CC2D2A: variants seen among roughly 807,000 people sequenced by gnomAD.
CC2D2A encodes the protein coiled-coil and C2 domain-containing protein 2A.
Under a neutral mutation model 212.9 loss-of-function variants are expected in CC2D2A, and 155 were observed. The observed-to-expected ratio is 0.73, with a 90% CI of 0.64 to 0.83. CC2D2A has a LOEUF of 0.83. Ranked by LOEUF, CC2D2A falls within the 40% of genes least tolerant of loss-of-function variation. The probability of loss-of-function intolerance (pLI) is 0.00; values close to 1 mark genes in which losing one functional copy is unlikely to be tolerated. For missense variants in CC2D2A, 1,856 were observed against 1,956.2 expected (o/e 0.95, Z 0.97); for synonymous variants, 667 against 686.5 (o/e 0.97, Z 0.44).
chr4:15,502,574 G>C (rs1716022388), intron 5 of CC2D2A, 57 bp downstream of exon 5: 1 of 1,445,124 alleles, frequency 6.9e-7, no homozygotes, highest in African/African-American at 1.4e-5. Flanking sequence ...TCCAGGGCTT[G>C]TCTAGCTTAC....
chr4:15,542,231 G>A (rs1718492709), intron 17 of CC2D2A, among the ~76,000 whole-genome samples: 1 of 152,116 alleles, frequency 6.6e-6, no homozygotes, highest in African/African-American at 2.4e-5. Flanking sequence ...TCAATATGTG[G>A]AGGATGCTAT....
intron 23 of CC2D2A, 30 bp from the exon 24 acceptor site, chr4:15,563,325 A>G (rs1432494504): frequency 1.9e-6 from 3 of 1,555,038 alleles, no homozygotes; most frequent in Non-Finnish European, 2.6e-6. Flanking sequence ...TCTTTTTCTT[A>G]GAGTCCTGAT....
At chr4:15,486,338 G>A (rs1019183184) in intron 4 of CC2D2A, among the ~76,000 whole-genome samples, 1 of 151,958 alleles carries the variant, frequency 6.6e-6, no homozygotes, top group East Asian at 1.9e-4. Flanking sequence ...CTCATTACTT[G>A]TTTTTTGTCT....
At chr4:15,504,167 T>C (rs529795530) in intron 6 of CC2D2A, among the ~76,000 whole-genome samples, 100 of 152,312 alleles carry the variant, frequency 6.6e-4, no homozygotes, top group Non-Finnish European at 1.2e-3. Flanking sequence ...ATGTTACCTA[T>C]ATTCACCCCA....
intron 14 of CC2D2A, among the ~76,000 whole-genome samples, 195 bp from the exon 15 acceptor site, chr4:15,536,725 T>C (rs534889351): frequency 6.6e-6 from 1 of 152,292 alleles, no homozygotes; most frequent in East Asian, 1.9e-4. Context: ...TTACTTAACT[T>C]CTATGTGCCT....
At chr4:15,520,276 T>G (rs1717130182) in intron 11 of CC2D2A, among the ~76,000 whole-genome samples, 1 of 152,200 alleles carries the variant, frequency 6.6e-6, no homozygotes, top group Non-Finnish European at 1.5e-5. Context: ...GATGGCTACT[T>G]TGTACAGAAA....
At position 15,567,455 on chromosome 4, in the gene CC2D2A, C is replaced by A; in HGVS notation, c.3261C>A (p.Thr1087=). 3.7e-6 allele frequency: 6 copies of A among 1,613,588 alleles called. No homozygotes were observed. The highest frequency in any genetic ancestry group is 5.1e-6 in the Non-Finnish European group (6 of 1,179,706). The change falls in exon 25 of 37, where the codon ACC becomes ACA. Residue 1087 remains threonine (T), a synonymous_variant. Coordinates refer to ENST00000424120, the MANE Select transcript of CC2D2A (RefSeq NM_001378615.1). ...CTTCCCCAAGCACGTACAGCCCAACCCACAATGCTGACTACCCCCTCGGCC... is the reference window on the plus strand; with the variant it reads ...CTTCCCCAAGCACGTACAGCCCAACACACAATGCTGACTACCCCCTCGGCC... ...HAASPSTYSP[T]HNADYPLGQV...
rs556438578 is a variant in CC2D2A at position 15,596,705 on chromosome 4, G to A, written c.4437+498G>A. Reference sequence around the variant, plus strand: ...TGTAATGAAATGTATTTTATACTCCGGATCTACCTTTCAGAAAAAGCTTTG... The same window carrying A: ...TGTAATGAAATGTATTTTATACTCCAGATCTACCTTTCAGAAAAAGCTTTG... On this transcript the variant is annotated intron_variant, in intron 34 of 36. Transcript: ENST00000424120. 9.2e-5 allele frequency among the ~76,000 whole-genome samples: 14 copies of A among 152,164 alleles called. No homozygotes were observed. In the South Asian group the frequency reaches 1.5e-3, roughly 16 times the overall value.
chr4:15,502,671 C>A, intron 5 of CC2D2A, 151 bp from the exon 6 acceptor site: 2 of 972,948 alleles, frequency 2.1e-6, no homozygotes, highest in Non-Finnish European at 3.1e-6. Context: ...TGCATTGGCA[C>A]AGATGAAAAT....
chr4:15,470,687 CTCTATATATATATATATATATATA>C (rs1318487359), intron 1 of CC2D2A, among the ~76,000 whole-genome samples: 651 of 32,350 alleles, frequency 0.02, 1 homozygote, highest in Non-Finnish European at 0.027. Context: ...CTCTCTCTCT[CTCTATATATATATATATATATATA>C]TATATATATA....
At chr4:15,479,289 C>G in intron 3 of CC2D2A, 2 of 1,537,186 alleles carry the variant, frequency 1.3e-6, no homozygotes, top group Non-Finnish European at 1.7e-6. Context: ...AGTTCCCCTC[C>G]TAGGCTGGGA....
chr4:15,484,050 C>G (rs750902449), intron 4 of CC2D2A, among the ~76,000 whole-genome samples: 3 of 152,074 alleles, frequency 2.0e-5, no homozygotes, highest in Non-Finnish European at 4.4e-5. Flanking sequence ...AGTTTATACT[C>G]CAGTTGTGGG....
intron 29 of CC2D2A, among the ~76,000 whole-genome samples, chr4:15,575,933 C>A (rs757481468): frequency 5.9e-5 from 9 of 152,214 alleles, no homozygotes; most frequent in Non-Finnish European, 1.3e-4. Flanking sequence ...TCTATCCTGG[C>A]AGAAAGGATG....
chr4:15,567,246 C>T lies in CC2D2A; in HGVS notation c.3183-131C>T, dbSNP rs915304775. On this transcript the variant is annotated intron_variant, in intron 24 of 36. Transcript: ENST00000424120. The stretch of plus-strand genomic sequence containing the variant: ...TGCAGTGAGCTGAGATTGCACCAGC[C>T]GAGATCATGCCACTGCACTTCAGCT... 9 of 676,848 alleles carry T rather than the reference C, an allele frequency of 1.3e-5. No homozygotes were observed. The East Asian group carries it at 1.8e-4, about 14-fold the overall frequency. The allele number at this position is 676,848 out of a possible 1,614,324, so 41.9% of individuals were successfully genotyped here.
chr4:15,491,710 C>T (rs1314698804), intron 4 of CC2D2A, among the ~76,000 whole-genome samples: 1 of 152,184 alleles, frequency 6.6e-6, no homozygotes, highest in Admixed American at 6.5e-5. Flanking sequence ...CAGCTATTTA[C>T]ATTTTCTACT....
In CC2D2A at chr4:15,537,057, A is replaced by T; in HGVS notation, c.1745A>T (p.Lys582Met). The change falls in exon 15 of 37, where the codon AAG becomes ATG. Residue 582 changes from lysine to methionine, a missense_variant. By Grantham distance (95) the Lys-to-Met change is moderately conservative (BLOSUM62 -1). Transcript: ENST00000424120. ...EEYRTSLQQW[K>M]AWRKVQRAKK... is the part of the protein sequence containing the mutation. ...TACAGAACGTCGTTACAACAGTGGA[A>T]GGCCTGGAGGAAAGTGCAAGTGTGT... The T allele has an allele frequency of 6.2e-7, 1 of 1,613,562 alleles. No homozygotes were observed. The highest frequency in any genetic ancestry group is 8.5e-7 in the Non-Finnish European group (1 of 1,179,568).
At chr4:15,514,956 T>A in intron 9 of CC2D2A, 87 bp downstream of exon 9, 17 of 1,094,824 alleles carry the variant, frequency 1.6e-5, no homozygotes, top group Non-Finnish European at 2.1e-5. Flanking sequence ...GGATGCCTCA[T>A]CTCCAGAACT....
intron 2 of CC2D2A, 57 bp from the exon 3 acceptor site, chr4:15,478,665 TA>T: frequency 5.2e-6 from 7 of 1,352,100 alleles, no homozygotes; most frequent in Non-Finnish European, 6.1e-6. Flanking sequence ...TTTTAATACC[TA>T]AAAGTCATAC....
chr4:15,478,927 T>C, intron 3 of CC2D2A, 121 bp downstream of exon 3: 1 of 827,148 alleles, frequency 1.2e-6, no homozygotes, highest in South Asian at 1.7e-5. Flanking sequence ...ACTTTTGGCC[T>C]GCTCTGGGGG....
Sources: gnomAD v4.1 joint callset for allele counts (sites outside exome capture counted in the v4.1 genomes callset) on GRCh38, gnomAD v4.1.1 for gene constraint, MANE v1.5 for transcripts, NCBI Gene and HGNC (gene_info 2026-07-23, HGNC 2026-07-21) for gene names.